Variants in PRPF40B observed in about 807,000 individuals in gnomAD.
PRPF40B encodes pre-mRNA processing factor 40B.
In PRPF40B, 56 loss-of-function variants were observed where a neutral mutation model predicts 124.5. The ratio of observed to expected loss-of-function variants is 0.45; its 90% CI spans 0.36 to 0.56. The LOEUF is 0.56. Ranked by LOEUF, PRPF40B falls within the 20% of genes least tolerant of loss-of-function variation. The probability of loss-of-function intolerance (pLI) is 0.00; values close to 1 mark genes in which losing one functional copy is unlikely to be tolerated. For missense variants in PRPF40B, 1,053 were observed against 1,169.5 expected (o/e 0.90, Z 1.45); for synonymous variants, 443 against 426.4 (o/e 1.04, Z -0.48).
At chr12:49,636,571 C>T in intron 15 of PRPF40B, 145 bp from the exon 16 acceptor site, 1 of 1,004,426 alleles carries the variant, frequency 1.0e-6, no homozygotes, top group Non-Finnish European at 1.5e-6. Flanking sequence ...TGGCTGCTCC[C>T]ACAGAGCCCC....
chr12:49,637,546 G>T lies in PRPF40B; in HGVS notation c.1637G>T (p.Ser546Ile). 6.2e-7 allele frequency: 1 copy of T among 1,613,844 alleles called. No homozygotes were observed. Among genetic ancestry groups the T allele is most frequent in the Non-Finnish European group, 8.5e-7 (1 of 1,180,032 alleles). Residue 546 changes from serine (S) to isoleucine (I), a missense_variant, in exon 17 of 26, where the codon AGC becomes ATC. Coordinates refer to ENST00000548825, the MANE Select transcript of PRPF40B (RefSeq NM_001031698.3). ...TGGATGGAGCTATATCCAGCAGTCA[G>T]CACTGATGTCCGCTTTGCCAACATG... ...STWMELYPAVSTDVRFANMLG... is the reference protein window; with the variant it reads ...STWMELYPAVITDVRFANMLG...
Position 49,634,409 on chromosome 12 carries a change from A to T in PRPF40B, c.890A>T (p.Asn297Ile), listed in dbSNP as rs1941537547. 1 of 1,614,164 alleles carries T rather than the reference A, an allele frequency of 6.2e-7. No individual in the cohort carries two copies. The highest frequency in any genetic ancestry group is 8.5e-7 in the Non-Finnish European group (1 of 1,180,008). ...GAGAGGTCTGGCCTCAGTTGGAGCA[A>T]CCGGGAGAAGGCAAAGCAGGCATTC... ...EPERSGLSWS[N>I]REKAKQAFKE... Residue 297 changes from asparagine to isoleucine, a missense_variant, in exon 11 of 26, where the codon AAC (asparagine) becomes ATC (isoleucine). Around this residue, in one of 2 missense-constraint regions of PRPF40B, gnomAD observed 895 missense variants for 1,052.2 expected, o/e 0.85. Transcript: ENST00000548825.
chr12:49,630,655 C>T, intron 2 of PRPF40B, 30 bp downstream of exon 2: 1 of 900,982 alleles, frequency 1.1e-6, no homozygotes, highest in Non-Finnish European at 1.9e-6. Context: ...CTGGGCTTGG[C>T]TTTTCCAGCC....
At chr12:49,633,190 C>G in intron 7 of PRPF40B, 66 bp downstream of exon 7, 1 of 1,407,230 alleles carries the variant, frequency 7.1e-7, no homozygotes, top group East Asian at 2.3e-5. Flanking sequence ...CTTGGCCTTC[C>G]CTTAGTCTCT....
At chr12:49,626,921 C>A (rs1346353298) in intron 1 of PRPF40B, among the ~76,000 whole-genome samples, 1 of 152,128 alleles carries the variant, frequency 6.6e-6, no homozygotes, top group Non-Finnish European at 1.5e-5. Context: ...AAGGGGGATA[C>A]CTTGGGTGAC....
At chr12:49,623,704 G>A in intron 1 of PRPF40B, 111 bp downstream of exon 1, 3 of 1,223,480 alleles carry the variant, frequency 2.5e-6, no homozygotes, top group Non-Finnish European at 3.1e-6. Context: ...CTGGGACCCC[G>A]GGGAGGGCGA....
rs376128730 is a variant in PRPF40B at position 49,637,555 on chromosome 12, T to C, written c.1646T>C (p.Val549Ala). 2.4e-5 allele frequency: 39 copies of C among 1,613,862 alleles called. No individual in the cohort carries two copies. In the African/African-American group the frequency reaches 4.8e-4, roughly 20 times the overall value. Residue 549 changes from valine (V) to alanine (A), a missense_variant, in exon 17 of 26, where the codon GTC becomes GCC. Val to Ala is a moderately conservative substitution (Grantham distance 64, BLOSUM62 0). Coordinates refer to ENST00000548825, the MANE Select transcript of PRPF40B (RefSeq NM_001031698.3). ...CTATATCCAGCAGTCAGCACTGATGTCCGCTTTGCCAACATGCTGGGCCAG... is the reference window on the plus strand; with the variant it reads ...CTATATCCAGCAGTCAGCACTGATGCCCGCTTTGCCAACATGCTGGGCCAG... ...MELYPAVSTD[V>A]RFANMLGQPG...
At chr12:49,633,176 A>G in intron 7 of PRPF40B, 52 bp downstream of exon 7, 1 of 1,475,310 alleles carries the variant, frequency 6.8e-7, no homozygotes, top group South Asian at 1.2e-5. Flanking sequence ...GACCCTTCCA[A>G]GTCCTTGGCC....
Position 49,642,018 on chromosome 12 carries a change from C to CA in PRPF40B, c.1880dup (p.Asn627LysfsTer2). On this transcript the variant is annotated frameshift_variant, in exon 19 of 26. Transcript: ENST00000548825. LOFTEE classifies it high-confidence loss of function. The surrounding 1 kb of genome is among the most constrained non-coding windows in gnomAD (Gnocchi z 5.8). ...ACGCAGGCAACATCAAGCTGACCTT[C>CA]AATAGTGTGAGGGGCTGGGCGGGGC... is the stretch of plus-strand genomic sequence containing the variant. 1 of 1,612,322 alleles carries CA rather than the reference C, an allele frequency of 6.2e-7. No homozygotes were observed. Among genetic ancestry groups the CA allele is most frequent in the Non-Finnish European group, 8.5e-7 (1 of 1,179,696 alleles).
intron 18 of PRPF40B, 172 bp downstream of exon 18, chr12:49,637,996 C>A: frequency 1.7e-6 from 1 of 597,574 alleles, no homozygotes; most frequent in Non-Finnish European, 3.0e-6. Context: ...ACAATTTCTA[C>A]CACAGGAGCT....
At chr12:49,634,981 A>T in intron 12 of PRPF40B, 118 bp from the exon 13 acceptor site, 1 of 1,071,016 alleles carries the variant, frequency 9.3e-7, no homozygotes, top group Non-Finnish European at 1.3e-6. Context: ...CAGATCCCAG[A>T]CATCTGTGCC....
chr12:49,623,573 C>T lies in PRPF40B; in HGVS notation c.-18C>T. The T allele has an allele frequency of 8.1e-7, 1 of 1,237,060 alleles. No homozygotes were observed. Among genetic ancestry groups the T allele is most frequent in the Non-Finnish European group, 1.0e-6 (1 of 990,848 alleles). 76.6% of individuals were successfully genotyped at this position (1,237,060 alleles called of 1,614,324 possible). A position where few individuals can be genotyped will look rare whatever the true frequency, so the allele number is the denominator to read the frequency against. ...TGGCGGGTGGGCTGAGCCGGCCCAG[C>T]TGCTCGGAGGCTCTGGCATGGTAAC... On this transcript the variant is annotated 5_prime_UTR_variant, in exon 1 of 26. Coordinates refer to ENST00000548825, the MANE Select transcript of PRPF40B (RefSeq NM_001031698.3).
In PRPF40B at chr12:49,642,355, G is replaced by C; in HGVS notation, c.2005G>C (p.Gly669Arg). ...LRQAVPALEL[G>R]TAWEEVRERF... ...GCAGGCTGTGCCTGCTCTGGAGCTA[G>C]GCACTGCCTGGGAAGAGGTCAGGAG... Residue 669 changes from glycine (G) to arginine (R), a missense_variant, in exon 20 of 26, where the codon GGC becomes CGC. Physicochemically the swap from Gly to Arg is moderately radical, Grantham distance 125 (BLOSUM62 -2). Coordinates refer to ENST00000548825, the MANE Select transcript of PRPF40B (RefSeq NM_001031698.3). This position sits in a 1 kb window ranked among gnomAD's most constrained non-coding sequence, Gnocchi z 5.8. 1.2e-6 allele frequency: 2 copies of C among 1,613,876 alleles called. No homozygotes were observed. The highest frequency in any genetic ancestry group is 1.7e-6 in the Non-Finnish European group (2 of 1,180,026).
At chr12:49,632,942 A>C in intron 6 of PRPF40B, 62 bp downstream of exon 6, 1 of 1,611,734 alleles carries the variant, frequency 6.2e-7, no homozygotes, top group Admixed American at 1.7e-5. Context: ...ACTGATAGTT[A>C]AATCTTTGGG....
rs781286595 is a variant in PRPF40B at position 49,643,821 on chromosome 12, A to G, written c.2443-40A>G. On this transcript the variant is annotated intron_variant, in intron 24 of 25. Transcript: ENST00000548825. ...TTCTGTTCTACCTGCCTCCCAGGCT[A>G]TCCACAGGAACTGAGGAGGTGGGCT... 8 of 1,613,848 alleles carry G rather than the reference A, an allele frequency of 5.0e-6. No homozygotes were observed. The African/African-American group carries it at 5.3e-5, about 11-fold the overall frequency.
intron 12 of PRPF40B, 103 bp downstream of exon 12, chr12:49,634,705 T>C (rs1941579516): frequency 1.4e-6 from 2 of 1,432,180 alleles, no homozygotes; most frequent in Middle Eastern, 2.2e-4. Context: ...GGAACCAGAG[T>C]CAGGACAGTG....
At chr12:49,634,489 G>A in intron 11 of PRPF40B, 34 bp downstream of exon 11, 2 of 1,614,188 alleles carry the variant, frequency 1.2e-6, no homozygotes, top group Non-Finnish European at 1.7e-6. Context: ...AAGGTTTGGA[G>A]GGGGCTGGAG....
At position 49,631,804 on chromosome 12, in the gene PRPF40B, C is replaced by T; in HGVS notation, c.229-56C>T. 6.5e-7 allele frequency: 1 copy of T among 1,538,380 alleles called. No individual in the cohort carries two copies. Among genetic ancestry groups the T allele is most frequent in the East Asian group, 2.2e-5 (1 of 44,522 alleles). ...TCAGGACCCTTTGAGGTACCCTGTC[C>T]CTCCTGTTCCAGCCCTTACCTTGGT... On this transcript the variant is annotated intron_variant, in intron 3 of 25. Coordinates refer to ENST00000548825, the MANE Select transcript of PRPF40B (RefSeq NM_001031698.3). This position sits in a 1 kb window ranked among gnomAD's most constrained non-coding sequence, Gnocchi z 4.3.
chr12:49,632,537 T>A, intron 4 of PRPF40B, 59 bp from the exon 5 acceptor site: 1 of 1,576,156 alleles, frequency 6.3e-7, no homozygotes, highest in South Asian at 1.1e-5. Context: ...CCCCATGGCC[T>A]GGGTCCTGGG....
Sources: gnomAD v4.1 joint callset for allele counts (sites outside exome capture counted in the v4.1 genomes callset) on GRCh38, gnomAD v4.1.1 for gene constraint, gnomAD v4.1.1 regional missense constraint, Gnocchi (gnomAD v3.1) non-coding constraint, MANE v1.5 for transcripts, NCBI Gene and HGNC (gene_info 2026-07-23, HGNC 2026-07-21) for gene names.